Variants in ESR1 observed in about 807,000 individuals in gnomAD.
ESR1 encodes estrogen receptor.
ESR1 carries 12 observed loss-of-function variants against 52.7 expected under a neutral mutation model. That is an observed-to-expected ratio of 0.23 (90% CI 0.15 to 0.37). ESR1 has a LOEUF of 0.37. ESR1 is among the 10% of genes least tolerant of loss of function. The pLI is 1.00. For synonymous variants in ESR1, 305 were observed against 316.8 expected (o/e 0.96, Z 0.39); for missense variants, 584 against 779.7 (o/e 0.75, Z 2.99).
chr6:152,121,341 G>T (rs1204587726), intron 6 of ESR1, among the ~76,000 whole-genome samples: 1 of 152,200 alleles, frequency 6.6e-6, no homozygotes, highest in Non-Finnish European at 1.5e-5. Flanking sequence ...GATTTCTGTG[G>T]CTGTTGTCTG....
intron 1 of ESR1, among the ~76,000 whole-genome samples, chr6:151,659,556 C>T (rs1471552528): frequency 1.3e-5 from 2 of 152,174 alleles, no homozygotes; most frequent in African/African-American, 2.4e-5. Context: ...AATGAATTGG[C>T]ATTCCGATTT....
At chr6:151,760,617 C>T (rs1431629172) in intron 2 of ESR1, among the ~76,000 whole-genome samples, 5 of 152,128 alleles carry the variant, frequency 3.3e-5, no homozygotes, top group Admixed American at 2.0e-4. Context: ...GGCTTATTTG[C>T]GCTCCCCAGC....
At chr6:151,730,802 T>C (rs998635627) in intron 2 of ESR1, among the ~76,000 whole-genome samples, 8 of 152,218 alleles carry the variant, frequency 5.3e-5, no homozygotes, top group African/African-American at 1.9e-4. Context: ...CAGTCTTCCC[T>C]GGTGAAACAT....
At chr6:151,679,350 CTTTA>C (rs1778370738) in intron 1 of ESR1, among the ~76,000 whole-genome samples, 1 of 152,072 alleles carries the variant, frequency 6.6e-6, no homozygotes, top group South Asian at 2.1e-4. Context: ...CTCCCGTTAG[CTTTA>C]TTTATTTATT....
intron 6 of ESR1, among the ~76,000 whole-genome samples, chr6:152,114,814 C>A (rs888485429): frequency 6.9e-6 from 1 of 144,322 alleles, no homozygotes; most frequent in Non-Finnish European, 1.5e-5. Context: ...TGGCGTGAAC[C>A]CGGGAGGCGG....
chr6:152,049,033 A>G (rs1024933659), intron 5 of ESR1, among the ~76,000 whole-genome samples: 1 of 152,234 alleles, frequency 6.6e-6, no homozygotes, highest in Non-Finnish European at 1.5e-5. Flanking sequence ...ATTTTAAAAG[A>G]TTGATCAAAT....
intron 4 of ESR1, among the ~76,000 whole-genome samples, chr6:152,003,599 A>G (rs2042121069): frequency 6.6e-6 from 1 of 151,932 alleles, no homozygotes; most frequent in African/African-American, 2.4e-5. Context: ...TAGTGTCATC[A>G]TTCTCTTATT....
chr6:151,698,400 C>T (rs1368340617), intron 1 of ESR1, among the ~76,000 whole-genome samples: 1 of 151,122 alleles, frequency 6.6e-6, no homozygotes, highest in Non-Finnish European at 1.5e-5. Flanking sequence ...ACTTAAGATA[C>T]TGACAGTATA....
At chr6:151,690,571 A>C (rs1490688268) in exon 1 of ESR1, 2 of 152,222 alleles carry the variant, frequency 1.3e-5, no homozygotes, top group Non-Finnish European at 2.9e-5. Flanking sequence ...CCATGCTCAG[A>C]AGCTCTTTAA....
chr6:151,784,600 G>A (rs1259058911), intron 2 of ESR1, among the ~76,000 whole-genome samples: 4 of 152,192 alleles, frequency 2.6e-5, no homozygotes, highest in Non-Finnish European at 5.9e-5. Flanking sequence ...CCCAGACTGA[G>A]TTAGGCAACA....
chr6:151,849,889 T>C (rs1471179793), intron 2 of ESR1, among the ~76,000 whole-genome samples: 1 of 149,122 alleles, frequency 6.7e-6, no homozygotes, highest in African/African-American at 2.5e-5. Context: ...TCCTCAGCTC[T>C]CTAAAGTGGG....
chr6:151,871,594 G>A (rs886491293), intron 2 of ESR1, among the ~76,000 whole-genome samples: 2 of 152,122 alleles, frequency 1.3e-5, no homozygotes, highest in East Asian at 1.9e-4. Context: ...TAGTAGAGAC[G>A]GGGTTTTGCT....
chr6:152,049,922 G>T (rs753962015), intron 5 of ESR1, among the ~76,000 whole-genome samples: 7 of 152,180 alleles, frequency 4.6e-5, no homozygotes, highest in Non-Finnish European at 8.8e-5. Flanking sequence ...CTCTCTGAAT[G>T]ATACTGCCTG....
At chr6:151,836,135 T>C (rs948372961) in intron 1 of ESR1, among the ~76,000 whole-genome samples, 2 of 152,146 alleles carry the variant, frequency 1.3e-5, no homozygotes, top group African/African-American at 4.8e-5. Flanking sequence ...CAAAGAAAGA[T>C]AGGCAGAGTG....
intron 2 of ESR1, among the ~76,000 whole-genome samples, chr6:151,702,979 A>G (rs967689566): frequency 6.6e-6 from 1 of 152,242 alleles, no homozygotes; most frequent in Non-Finnish European, 1.5e-5. Context: ...TCAAAAGCAC[A>G]GGAAGTCTGC....
In ESR1 at chr6:152,018,785, C is replaced by T. The variant is rs939597086; in HGVS notation, c.1235+6991C>T. On this transcript the variant is annotated intron_variant, in intron 5 of 7. Coordinates refer to ENST00000206249, the MANE Select transcript of ESR1 (RefSeq NM_000125.4). Reference sequence around the variant, plus strand: ...CTTGTCTCCATTCATACCTCAAGAACTTTGTTCATGTTAATTTTTTTTCAC... The same window carrying T: ...CTTGTCTCCATTCATACCTCAAGAATTTTGTTCATGTTAATTTTTTTTCAC... 1.1e-4 allele frequency among the ~76,000 whole-genome samples: 16 copies of T among 151,446 alleles called. No homozygotes were observed. The South Asian group carries it at 3.3e-3, about 32-fold the overall frequency.
At chr6:151,906,195 G>A (rs1037009858) in intron 3 of ESR1, among the ~76,000 whole-genome samples, 2 of 152,138 alleles carry the variant, frequency 1.3e-5, no homozygotes, top group African/African-American at 2.4e-5. Flanking sequence ...AGTAGGACAG[G>A]TAGAGAAGGA....
intron 1 of ESR1, among the ~76,000 whole-genome samples, chr6:151,657,477 A>G (rs2115185430): frequency 1.3e-5 from 2 of 152,232 alleles, no homozygotes; most frequent in East Asian, 3.9e-4. Flanking sequence ...TAGGGAGAAA[A>G]TTGTTCTTAA....
At chr6:152,048,303 G>A (rs2046394287) in intron 5 of ESR1, among the ~76,000 whole-genome samples, 1 of 147,622 alleles carries the variant, frequency 6.8e-6, no homozygotes, top group South Asian at 2.1e-4. Flanking sequence ...GGAGGATATT[G>A]CAGTGAGCTG....
Sources: allele counts gnomAD v4.1 joint callset (sites outside exome capture counted in the v4.1 genomes callset), GRCh38; gene constraint gnomAD v4.1.1; transcripts MANE v1.5; gene names NCBI Gene and HGNC (gene_info 2026-07-23, HGNC 2026-07-21).